ITGA3: variants seen among roughly 807,000 people sequenced by gnomAD.
ITGA3 encodes the protein integrin alpha-3.
ITGA3 carries 70 observed loss-of-function variants against 131.1 expected under a neutral mutation model. The ratio of observed to expected loss-of-function variants is 0.53; its 90% CI spans 0.44 to 0.65. ITGA3 has a LOEUF of 0.65. ITGA3 is among the 30% of genes least tolerant of loss of function. The probability of loss-of-function intolerance (pLI) is 0.00; values close to 1 mark genes in which losing one functional copy is unlikely to be tolerated. For missense variants in ITGA3, 1,098 were observed against 1,388.6 expected, an observed-to-expected ratio of 0.79 and a Z score of 3.33; for synonymous variants, 537 against 571.6, an observed-to-expected ratio of 0.94 and a Z score of 0.86.
chr17:50,074,309 C>A, intron 9 of ITGA3, 29 bp downstream of exon 9: 1 of 1,610,546 alleles, frequency 6.2e-7, no homozygotes, highest in Non-Finnish European at 8.5e-7. Context: ...GAATAAGGGT[C>A]TTTCTCTTCT....
At position 50,089,355 on chromosome 17, in the gene ITGA3, C is replaced by G. The variant is rs1459694017; in HGVS notation, c.*277C>G. On this transcript the variant is annotated 3_prime_UTR_variant, in exon 26 of 26. Transcript: ENST00000320031. ...TGCCTCTGACAGTCCACAGGGGCCA[C>G]CACCTTTGGCTGGTAGCAGCAGGCT... 1 of 1,127,436 alleles carries G rather than the reference C, an allele frequency of 8.9e-7. No individual in the cohort carries two copies. Among genetic ancestry groups the G allele is most frequent in the African/African-American group, 1.6e-5 (1 of 64,466 alleles). The allele number at this position is 1,127,436 out of a possible 1,614,324, so 69.8% of individuals were successfully genotyped here.
At chr17:50,058,455 G>A (rs1215810912) in intron 1 of ITGA3, among the ~76,000 whole-genome samples, 1 of 152,232 alleles carries the variant, frequency 6.6e-6, no homozygotes, top group South Asian at 2.1e-4. Flanking sequence ...TCTCCAAGGA[G>A]CACCTGAAGG....
chr17:50,066,032 CAAAAAAAAAAAAA>C (rs1183511362), intron 3 of ITGA3: 1 of 38,718 alleles, frequency 2.6e-5, no homozygotes, highest in East Asian at 7.4e-4. Flanking sequence ...GACTCCATCT[CAAAAAAAAAAAAA>C]AAAAAAAAAG....
chr17:50,087,931 C>G lies in ITGA3; in HGVS notation c.3045+62C>G, dbSNP rs1220556841. The G allele has an allele frequency of 2.7e-6, 4 of 1,492,932 alleles. No homozygotes were observed. In the African/African-American group the frequency reaches 5.5e-5, roughly 21 times the overall value. The allele number at this position is 1,492,932 out of a possible 1,614,324, so 92.5% of individuals were successfully genotyped here. A position where few individuals can be genotyped will look rare whatever the true frequency, so the allele number is the denominator to read the frequency against. ...ACCAGCACACTCACCAGCCCTTCCTCCAACCCACGTCTCCCCATCCTGGTC... is the reference window on the plus strand; with the variant it reads ...ACCAGCACACTCACCAGCCCTTCCTGCAACCCACGTCTCCCCATCCTGGTC... On this transcript the variant is annotated intron_variant, in intron 24 of 25. Coordinates refer to ENST00000320031, the MANE Select transcript of ITGA3 (RefSeq NM_002204.4).
chr17:50,060,258 C>T (rs1006434767), intron 1 of ITGA3, among the ~76,000 whole-genome samples: 1 of 152,184 alleles, frequency 6.6e-6, no homozygotes, highest in Non-Finnish European at 1.5e-5. Context: ...TCCTTTGGCC[C>T]CCTCTGGAAT....
intron 1 of ITGA3, among the ~76,000 whole-genome samples, chr17:50,061,660 T>A (rs1908085623): frequency 6.6e-6 from 1 of 152,118 alleles, no homozygotes; most frequent in Non-Finnish European, 1.5e-5. Context: ...GAAGTCTTCC[T>A]ATGTCTCCCT....
chr17:50,084,586 A>G (rs1909309419), intron 23 of ITGA3, among the ~76,000 whole-genome samples: 1 of 152,150 alleles, frequency 6.6e-6, no homozygotes, highest in African/African-American at 2.4e-5. Context: ...GCTGATCTTT[A>G]CCAATTGACG....
chr17:50,068,868 G>C (rs1247882306), intron 4 of ITGA3, among the ~76,000 whole-genome samples: 1 of 116,310 alleles, frequency 8.6e-6, no homozygotes, highest in African/African-American at 3.0e-5. Context: ...ATTTTTTTGA[G>C]ACAGAGTCTC....
In ITGA3 at chr17:50,089,343, C is replaced by T; in HGVS notation, c.*265C>T. The stretch of plus-strand genomic sequence containing the variant: ...TATCATAAGTTATGCCTCTGACAGT[C>T]CACAGGGGCCACCACCTTTGGCTGG... On this transcript the variant is annotated 3_prime_UTR_variant, in exon 26 of 26. Coordinates refer to ENST00000320031, the MANE Select transcript of ITGA3 (RefSeq NM_002204.4). 8.0e-7 allele frequency: 1 copy of T among 1,242,416 alleles called. No individual in the cohort carries two copies. Among genetic ancestry groups the T allele is most frequent in the South Asian group, 1.3e-5 (1 of 76,010 alleles). 77.0% of individuals were successfully genotyped at this position (1,242,416 alleles called of 1,614,324 possible). A position where few individuals can be genotyped will look rare whatever the true frequency, so the allele number is the denominator to read the frequency against.
At chr17:50,088,093 C>T (rs1049555488) in intron 24 of ITGA3, 132 bp from the exon 25 acceptor site, 7 of 1,315,946 alleles carry the variant, frequency 5.3e-6, no homozygotes, top group African/African-American at 1.5e-5. Context: ...TGGCTTCTGA[C>T]CACACCACCA....
chr17:50,076,827 T>C (rs1027965352), intron 14 of ITGA3, 146 bp downstream of exon 14: 2 of 1,175,636 alleles, frequency 1.7e-6, no homozygotes, highest in African/African-American at 3.0e-5. Context: ...AAACGGGGCT[T>C]TCTCCTCCAG....
chr17:50,071,023 T>TG, intron 5 of ITGA3, 93 bp downstream of exon 5: 1 of 859,452 alleles, frequency 1.2e-6, no homozygotes. Flanking sequence ...TTGTGACTAA[T>TG]GGCATTTAGT....
At chr17:50,087,373 T>C (rs140268694) in intron 23 of ITGA3, 34 of 184,642 alleles carry the variant, frequency 1.8e-4, no homozygotes, top group African/African-American at 7.9e-4. Context: ...TATGAGGTAG[T>C]CATTATGATC....
At chr17:50,066,943 C>A (rs1325750192) in intron 3 of ITGA3, among the ~76,000 whole-genome samples, 1 of 152,168 alleles carries the variant, frequency 6.6e-6, no homozygotes, top group Non-Finnish European at 1.5e-5. Flanking sequence ...CATAAGCCAC[C>A]ACTGCTGGGA....
intron 1 of ITGA3, among the ~76,000 whole-genome samples, chr17:50,060,058 G>C (rs966076103): frequency 6.6e-6 from 1 of 152,184 alleles, no homozygotes; most frequent in African/African-American, 2.4e-5. Flanking sequence ...TGGGGAGATG[G>C]CTAATTCGGG....
rs961154661 is a variant in ITGA3 at position 50,064,121 on chromosome 17, A to T, written c.251A>T (p.Tyr84Phe). ...CGGGAGCTCGCTGTGCCCGATGGCTACACCAACCGGACTGGTGCTGTGTAC... is the reference window on the plus strand; with the variant it reads ...CGGGAGCTCGCTGTGCCCGATGGCTTCACCAACCGGACTGGTGCTGTGTAC... Reference protein sequence around the residue: ...APRELAVPDGYTNRTGAVYLC... With the variant: ...APRELAVPDGFTNRTGAVYLC... The change falls in exon 2 of 26, where the codon TAC (tyrosine) becomes TTC (phenylalanine). Residue 84 changes from tyrosine to phenylalanine, a missense_variant. This residue lies in a region of ITGA3 where 356 missense variants were observed against 529.2 expected (regional missense o/e 0.67). Coordinates refer to ENST00000320031, the MANE Select transcript of ITGA3 (RefSeq NM_002204.4). The surrounding 1 kb of genome is among the most constrained non-coding windows in gnomAD (Gnocchi z 4.4). 13 of 1,612,492 alleles carry T rather than the reference A, an allele frequency of 8.1e-6. 1 individual carries two copies. The highest frequency in any genetic ancestry group is 1.1e-5 in the Non-Finnish European group (13 of 1,179,618).
intron 3 of ITGA3, chr17:50,065,064 A>G (rs1908272551): frequency 6.5e-6 from 1 of 154,898 alleles, no homozygotes; most frequent in Admixed American, 6.5e-5. Context: ...TCCTGCCCAC[A>G]TTCTATAGTG....
At chr17:50,079,027 G>A in intron 19 of ITGA3, 49 bp from the exon 20 acceptor site, 1 of 1,569,608 alleles carries the variant, frequency 6.4e-7, no homozygotes, top group Non-Finnish European at 8.8e-7. Context: ...TGGTAAGATG[G>A]AGGTGGTTTT....
intron 1 of ITGA3, among the ~76,000 whole-genome samples, chr17:50,062,869 AC>A (rs1184234882): frequency 6.6e-6 from 1 of 152,222 alleles, no homozygotes; most frequent in Non-Finnish European, 1.5e-5. Flanking sequence ...GGTGCCTGCC[AC>A]CCGAGAAGGC....
Sources: allele counts gnomAD v4.1 joint callset (sites outside exome capture counted in the v4.1 genomes callset), GRCh38; gene constraint gnomAD v4.1.1; regional missense constraint gnomAD v4.1.1; non-coding constraint Gnocchi (gnomAD v3.1); transcripts MANE v1.5; gene names NCBI Gene and HGNC (gene_info 2026-07-23, HGNC 2026-07-21).